Variants in RUNX1 observed in about 807,000 individuals in gnomAD.
RUNX1 encodes runt-related transcription factor 1.
A neutral mutation model predicts 42.8 loss-of-function variants in RUNX1; 19 were observed. The observed-to-expected ratio is 0.44, with a 90% CI of 0.31 to 0.65. The LOEUF (loss-of-function observed/expected upper bound fraction) is 0.65, where lower values mean the gene tolerates loss of function less well. Ranked by LOEUF, RUNX1 falls within the 30% of genes least tolerant of loss-of-function variation. RUNX1 has a pLI of 0.07. For missense variants in RUNX1, 528 were observed against 672.0 expected (o/e 0.79, Z 2.37); for synonymous variants, 271 against 289.4 (o/e 0.94, Z 0.64).
chr21:34,968,355 G>C (rs537619445), intron 2 of RUNX1, among the ~76,000 whole-genome samples: 1 of 152,168 alleles, frequency 6.6e-6, no homozygotes, highest in Non-Finnish European at 1.5e-5. Flanking sequence ...GTCCTTTGGC[G>C]TGGCCTCTGA....
intron 2 of RUNX1, among the ~76,000 whole-genome samples, chr21:34,934,542 G>C (rs1282540100): frequency 1.3e-5 from 2 of 152,176 alleles, no homozygotes; most frequent in Non-Finnish European, 2.9e-5. Flanking sequence ...GTCTTGGCAG[G>C]TGATGGAAGC....
intron 5 of RUNX1, among the ~76,000 whole-genome samples, chr21:34,879,330 A>G (rs995256904): frequency 6.6e-6 from 1 of 152,208 alleles, no homozygotes; most frequent in Non-Finnish European, 1.5e-5. Flanking sequence ...CTATGAATAT[A>G]TATTTTCAAT....
Position 34,792,282 on chromosome 21 carries a change from G to A in RUNX1, c.1296C>T (p.Cys432=), listed in dbSNP as rs1317722136. 1 of 1,542,558 alleles carries A rather than the reference G, an allele frequency of 6.5e-7. No individual in the cohort carries two copies. ...ERSPPRILPP[C]TNASTGSALL... ...GCGCGGAGCCGGTGGAGGCGTTGGT[G>A]CAGGGCGGCAGGATGCGCGGCGGCG... The change falls in exon 9 of 9, where the codon TGC becomes TGT. Residue 432 remains cysteine (C), a synonymous_variant. Transcript: ENST00000675419. This position sits in a 1 kb window ranked among gnomAD's most constrained non-coding sequence, Gnocchi z 6.9.
chr21:34,950,279 AT>A (rs1233480589), intron 2 of RUNX1, among the ~76,000 whole-genome samples: 1 of 152,238 alleles, frequency 6.6e-6, no homozygotes, highest in East Asian at 1.9e-4. Flanking sequence ...CATAAGTAAT[AT>A]TTTATTTTTC....
chr21:34,816,381 G>A (rs1018339022), intron 7 of RUNX1, among the ~76,000 whole-genome samples: 5 of 151,544 alleles, frequency 3.3e-5, no homozygotes, highest in African/African-American at 9.7e-5. Context: ...AGAAGAGTGT[G>A]TAGCGGGTGG....
intron 5 of RUNX1, among the ~76,000 whole-genome samples, chr21:34,862,743 C>T (rs1372794959): frequency 6.6e-6 from 1 of 152,186 alleles, no homozygotes; most frequent in African/African-American, 2.4e-5. Flanking sequence ...TCGATTACAC[C>T]TGTAAAGACC....
intron 7 of RUNX1, among the ~76,000 whole-genome samples, chr21:34,813,465 G>A (rs972242681): frequency 5.3e-5 from 8 of 152,090 alleles, no homozygotes; most frequent in Non-Finnish European, 1.5e-5. Flanking sequence ...GGTGTGTGGT[G>A]AGCACTTTCT....
intron 6 of RUNX1, among the ~76,000 whole-genome samples, chr21:34,855,789 A>T (rs1018253000): frequency 4.6e-5 from 7 of 152,238 alleles, no homozygotes; most frequent in African/African-American, 1.4e-4. Context: ...TTTGTGCTTA[A>T]GGAGGAGACA....
At chr21:34,922,172 G>C (rs1325299944) in intron 2 of RUNX1, among the ~76,000 whole-genome samples, 2 of 152,138 alleles carry the variant, frequency 1.3e-5, no homozygotes, top group Non-Finnish European at 2.9e-5. Context: ...CTGTAAGTGG[G>C]GGGCTCGAGG....
chr21:34,887,935 T>C, intron 3 of RUNX1: 2 of 1,065,770 alleles, frequency 1.9e-6, no homozygotes, highest in African/African-American at 3.3e-5. Flanking sequence ...GATCTTCAGC[T>C]AATCTTAAAA....
intron 2 of RUNX1, among the ~76,000 whole-genome samples, chr21:34,987,855 G>C (rs976455557): frequency 6.6e-6 from 1 of 152,142 alleles, no homozygotes; most frequent in Admixed American, 6.5e-5. Flanking sequence ...GTGCAGACTT[G>C]CTCTAGAGGG....
chr21:34,877,092 C>T (rs2300397), intron 5 of RUNX1, among the ~76,000 whole-genome samples: 27,054 of 152,112 alleles, frequency 0.18, 2,575 homozygotes, highest in Non-Finnish European at 0.2. Context: ...CTCCTGACCT[C>T]AGGTGATCCA....
intron 2 of RUNX1, among the ~76,000 whole-genome samples, chr21:35,003,492 T>C (rs998479788): frequency 4.6e-5 from 7 of 151,314 alleles, no homozygotes; most frequent in African/African-American, 1.5e-4. Context: ...TTGATGATAA[T>C]GAGTGAACAA....
At chr21:34,942,799 C>A (rs2058537377) in intron 2 of RUNX1, among the ~76,000 whole-genome samples, 1 of 152,124 alleles carries the variant, frequency 6.6e-6, no homozygotes, top group Non-Finnish European at 1.5e-5. Flanking sequence ...GGTTTCAGAG[C>A]CAGGAGGCTC....
intron 7 of RUNX1, among the ~76,000 whole-genome samples, chr21:34,803,052 A>T (rs1320610952): frequency 6.6e-6 from 1 of 152,192 alleles, no homozygotes; most frequent in Non-Finnish European, 1.5e-5. Flanking sequence ...GAGACCACAC[A>T]CATTTGCTCC....
chr21:34,866,395 A>G (rs890537373), intron 5 of RUNX1, among the ~76,000 whole-genome samples: 5 of 152,214 alleles, frequency 3.3e-5, no homozygotes, highest in Non-Finnish European at 7.3e-5. Flanking sequence ...ATCCCACAAG[A>G]TCCTGAAAGG....
At chr21:35,046,771 C>G (rs2059398920) in intron 2 of RUNX1, among the ~76,000 whole-genome samples, 1 of 152,092 alleles carries the variant, frequency 6.6e-6, no homozygotes, top group East Asian at 1.9e-4. Context: ...GACATCAAAT[C>G]TCAATATTAT....
At chr21:34,996,129 G>A (rs561725736) in intron 2 of RUNX1, among the ~76,000 whole-genome samples, 23 of 152,278 alleles carry the variant, frequency 1.5e-4, no homozygotes, top group Non-Finnish European at 3.1e-4. Flanking sequence ...AGGACCATGA[G>A]GCTATTGACT....
chr21:35,020,638 C>CG (rs2059191815), intron 2 of RUNX1, among the ~76,000 whole-genome samples: 1 of 152,098 alleles, frequency 6.6e-6, no homozygotes, highest in African/African-American at 2.4e-5. Context: ...AAGCTGCCAA[C>CG]GTCACCTGGC....
Sources: allele counts gnomAD v4.1 joint callset (sites outside exome capture counted in the v4.1 genomes callset), GRCh38; gene constraint gnomAD v4.1.1; non-coding constraint Gnocchi (gnomAD v3.1); transcripts MANE v1.5; gene names NCBI Gene and HGNC (gene_info 2026-07-23, HGNC 2026-07-21).